The following CDC7 variants were observed in gnomAD, a reference collection of about 807,000 sequenced individuals.
CDC7 encodes cell division cycle 7.
In CDC7, 34 loss-of-function variants were observed where a neutral mutation model predicts 53.5. The observed-to-expected ratio is 0.64, with a 90% confidence interval of 0.48 to 0.85. The LOEUF (loss-of-function observed/expected upper bound fraction) is 0.85, where lower values mean the gene tolerates loss of function less well. Among genes scored for constraint, CDC7 ranks in the 40% least tolerant of loss-of-function variants. The pLI, the probability that CDC7 is intolerant of heterozygous loss-of-function variation, is 0.00. For synonymous variants in CDC7, 211 were observed against 222.8 expected (o/e 0.95, Z 0.47); for missense variants, 594 against 679.7 (o/e 0.87, Z 1.40).
At position 91,516,727 on chromosome 1, in the gene CDC7, G is replaced by T. The variant is rs1198668702; in HGVS notation, c.1180+851G>T. Among the ~76,000 whole-genome samples, 3 of 152,264 alleles carry T rather than the reference G, an allele frequency of 2.0e-5. No individual in the cohort carries two copies. In the East Asian group the frequency reaches 5.8e-4, roughly 29 times the overall value. On this transcript the variant is annotated intron_variant, in intron 10 of 11. Coordinates refer to ENST00000234626, the MANE Select transcript of CDC7 (RefSeq NM_003503.4). ...ATTGGGCTGAGAAGTTAGCATAGAG[G>T]CATGAGCCAAGGAACTCAAGAAACA...
chr1:91,515,901 C>T (rs772415230), intron 10 of CDC7, 25 bp downstream of exon 10: 3 of 1,553,244 alleles, frequency 1.9e-6, no homozygotes, highest in Non-Finnish European at 2.7e-6. Context: ...AAATACAGAA[C>T]CTAGTTAAAA....
intron 6 of CDC7, 133 bp downstream of exon 6, chr1:91,512,056 T>A (rs1235812087): frequency 9.2e-6 from 6 of 652,752 alleles, no homozygotes; most frequent in Non-Finnish European, 1.4e-5. Context: ...AATATTTATC[T>A]CAGTTACCCA....
At chr1:91,514,338 A>G (rs1667443116) in intron 8 of CDC7, among the ~76,000 whole-genome samples, 1 of 152,164 alleles carries the variant, frequency 6.6e-6, no homozygotes, top group South Asian at 2.1e-4. Context: ...CCATACAGTT[A>G]GCTAACTATT....
At chr1:91,504,645 G>A (rs560765028) in intron 2 of CDC7, among the ~76,000 whole-genome samples, 1 of 152,170 alleles carries the variant, frequency 6.6e-6, no homozygotes, top group African/African-American at 2.4e-5. Context: ...TCTAGCTTAC[G>A]GCTATTGTCA....
Position 91,524,292 on chromosome 1 carries a change from TATA to T in CDC7, c.1586_1588del (p.Asn529del). 3 of 1,614,030 alleles carry T rather than the reference TATA, an allele frequency of 1.9e-6. No homozygotes were observed. The highest frequency in any genetic ancestry group is 2.5e-6 in the Non-Finnish European group (3 of 1,179,958). On this transcript the variant is annotated inframe_deletion, in exon 12 of 12. Coordinates refer to ENST00000234626, the MANE Select transcript of CDC7 (RefSeq NM_003503.4). ...TAGCTGTGAGCATTGTTTTGATGAGTATAATACCAATTTAGAAGGCTGGAATGA... is the reference window on the plus strand; with the variant it reads ...TAGCTGTGAGCATTGTTTTGATGAGTATACCAATTTAGAAGGCTGGAATGA...
chr1:91,511,581 T>G lies in CDC7; in HGVS notation c.336-16T>G, dbSNP rs752439011. On this transcript the variant is annotated splice_polypyrimidine_tract_variant and intron_variant, in intron 4 of 11. Coordinates refer to ENST00000234626, the MANE Select transcript of CDC7 (RefSeq NM_003503.4). ...TGACCTTTCTTCTAAAAGTTCCTTG[T>G]GCATTTTTCCACTAGGGGGCAAGAT... is the stretch of plus-strand genomic sequence containing the variant. The G allele has an allele frequency of 6.6e-7, 1 of 1,522,244 alleles. No individual in the cohort carries two copies. Among genetic ancestry groups the G allele is most frequent in the East Asian group, 2.3e-5 (1 of 44,342 alleles). The allele number at this position is 1,522,244 out of a possible 1,614,324, so 94.3% of individuals were successfully genotyped here.
In CDC7 at chr1:91,501,683, C is replaced by G. The variant is rs770616146; in HGVS notation, c.-34C>G. 2 of 1,506,112 alleles carry G rather than the reference C, an allele frequency of 1.3e-6. No homozygotes were observed. Among genetic ancestry groups the G allele is most frequent in the African/African-American group, 1.4e-5 (1 of 72,592 alleles). 93.3% of individuals were successfully genotyped at this position (1,506,112 alleles called of 1,614,324 possible). On this transcript the variant is annotated 5_prime_UTR_variant, in exon 2 of 12. Transcript: ENST00000234626. Reference sequence around the variant, plus strand: ...TTTGCTCCCCCTGTGGATGTAACCCCTTAGCTGGCATTTTGCATCTCAATT... The same window carrying G: ...TTTGCTCCCCCTGTGGATGTAACCCGTTAGCTGGCATTTTGCATCTCAATT...
At chr1:91,508,939 C>A (rs1251109355) in intron 4 of CDC7, among the ~76,000 whole-genome samples, 2 of 152,090 alleles carry the variant, frequency 1.3e-5, no homozygotes, top group Non-Finnish European at 2.9e-5. Context: ...CATTCCACAC[C>A]TCTCTTTCAC....
intron 2 of CDC7, among the ~76,000 whole-genome samples, chr1:91,504,789 G>C (rs1159321520): frequency 1.3e-5 from 2 of 152,176 alleles, no homozygotes; most frequent in Non-Finnish European, 2.9e-5. Context: ...ATGACTATAT[G>C]CCTAGAGTGT....
Position 91,513,224 on chromosome 1 carries a change from G to A in CDC7, c.739G>A (p.Asp247Asn). The change falls in exon 7 of 12, where the codon GAT becomes AAT. Residue 247 changes from aspartate to asparagine, a missense_variant. Coordinates refer to ENST00000234626, the MANE Select transcript of CDC7 (RefSeq NM_003503.4). ...GAGTGGCCCAGTACCTAAGGAGCTG[G>A]ATCAGCAGTCCACCACAAAAGCTTC... ...PLSGPVPKELDQQSTTKASVK... is the reference protein window; with the variant it reads ...PLSGPVPKELNQQSTTKASVK... 1 of 1,613,600 alleles carries A rather than the reference G, an allele frequency of 6.2e-7. No individual in the cohort carries two copies. Among genetic ancestry groups the A allele is most frequent in the Non-Finnish European group, 8.5e-7 (1 of 1,179,652 alleles).
chr1:91,520,127 C>T lies in CDC7; in HGVS notation c.1181-3C>T. 1 of 1,546,636 alleles carries T rather than the reference C, an allele frequency of 6.5e-7. No individual in the cohort carries two copies. The highest frequency in any genetic ancestry group is 1.3e-5 in the South Asian group (1 of 79,174). Reference sequence around the variant, plus strand: ...TATTTTTAAAATTTGTCTTCTGTTGCAGCAATTGACATGTGGTCTGCAGGT... The same window carrying T: ...TATTTTTAAAATTTGTCTTCTGTTGTAGCAATTGACATGTGGTCTGCAGGT... On this transcript the variant is annotated splice_polypyrimidine_tract_variant and splice_region_variant and intron_variant, in intron 10 of 11. Coordinates refer to ENST00000234626, the MANE Select transcript of CDC7 (RefSeq NM_003503.4).
intron 11 of CDC7, among the ~76,000 whole-genome samples, chr1:91,522,997 G>A (rs1668045827): frequency 1.3e-5 from 2 of 152,082 alleles, no homozygotes; most frequent in Admixed American, 1.3e-4. Context: ...GAAATGTAAG[G>A]CAAAAATAAT....
intron 4 of CDC7, among the ~76,000 whole-genome samples, chr1:91,510,962 C>T (rs1024977081): frequency 6.6e-6 from 1 of 152,112 alleles, no homozygotes; most frequent in Non-Finnish European, 1.5e-5. Flanking sequence ...ATTTTCATGT[C>T]TGTAGGTATC....
chr1:91,517,248 C>T (rs2102383889), intron 10 of CDC7, among the ~76,000 whole-genome samples: 1 of 152,082 alleles, frequency 6.6e-6, no homozygotes, highest in South Asian at 2.1e-4. Context: ...TTCTGGCAGG[C>T]GTGCAAACAG....
chr1:91,513,238 C>A lies in CDC7; in HGVS notation c.753C>A (p.Thr251=). 6.2e-7 allele frequency: 1 copy of A among 1,613,170 alleles called. No individual in the cohort carries two copies. Among genetic ancestry groups the A allele is most frequent in the South Asian group, 1.1e-5 (1 of 91,056 alleles). The change falls in exon 7 of 12, where the codon ACC becomes ACA. Residue 251 remains threonine (T), a synonymous_variant. Transcript: ENST00000234626. ...PVPKELDQQS[T]TKASVKRPYT... is the part of the protein sequence containing the mutation. ...CTAAGGAGCTGGATCAGCAGTCCAC[C>A]ACAAAAGCTTCTGTTAAAAGACCCT...
At chr1:91,523,510 T>C (rs1668092609) in intron 11 of CDC7, among the ~76,000 whole-genome samples, 1 of 152,124 alleles carries the variant, frequency 6.6e-6, no homozygotes, top group South Asian at 2.1e-4. Context: ...GCAAAAGTAA[T>C]AGTAGAACTC....
At chr1:91,503,424 C>T (rs950159132) in intron 2 of CDC7, among the ~76,000 whole-genome samples, 4 of 152,076 alleles carry the variant, frequency 2.6e-5, no homozygotes, top group Non-Finnish European at 4.4e-5. Context: ...GAAAGTAAAT[C>T]AAATTAGATC....
chr1:91,523,221 T>C (rs1459350404), intron 11 of CDC7, among the ~76,000 whole-genome samples: 1 of 152,070 alleles, frequency 6.6e-6, no homozygotes, highest in African/African-American at 2.4e-5. Context: ...AGAACATAAA[T>C]AAATACTATG....
chr1:91,524,066 A>C lies in CDC7; in HGVS notation c.1356A>C (p.Glu452Asp). 6.2e-7 allele frequency: 1 copy of C among 1,600,584 alleles called. No homozygotes were observed. ...GGAAATCAATATTATGTAGCAAAGA[A>C]GTTCCAGCACAAGACTTGAGAAAAC... ...TFGKSILCSKEVPAQDLRKLC... is the reference protein window; with the variant it reads ...TFGKSILCSKDVPAQDLRKLC... Residue 452 changes from glutamate to aspartate, a missense_variant, in exon 12 of 12, where the codon GAA (glutamate) becomes GAC (aspartate). Physicochemically the swap from Glu to Asp is conservative, Grantham distance 45. Coordinates refer to ENST00000234626, the MANE Select transcript of CDC7 (RefSeq NM_003503.4).
Sources: gnomAD v4.1 joint callset for allele counts (sites outside exome capture counted in the v4.1 genomes callset) on GRCh38, gnomAD v4.1.1 for gene constraint, MANE v1.5 for transcripts, NCBI Gene and HGNC (gene_info 2026-07-23, HGNC 2026-07-21) for gene names.